Variants in PCDHA6 observed in about 807,000 individuals in gnomAD.
PCDHA6 encodes protocadherin alpha-6.
A neutral mutation model predicts 60.3 loss-of-function variants in PCDHA6; 55 were observed. The observed-to-expected ratio is 0.91, with a 90% CI of 0.73 to 1.14. The LOEUF (loss-of-function observed/expected upper bound fraction) is 1.14. Ranked by LOEUF, PCDHA6 falls within the 50% of genes most tolerant of loss-of-function variation. The pLI, the probability that PCDHA6 is intolerant of heterozygous loss-of-function variation, is 0.00. For synonymous variants in PCDHA6, 652 were observed against 557.9 expected, an observed-to-expected ratio of 1.17 and a Z score of -2.38; for missense variants, 1,327 against 1,256.5, an observed-to-expected ratio of 1.06 and a Z score of -0.85.
intron 1 of PCDHA6, chr5:140,869,512 G>A (rs782635875): frequency 1.9e-6 from 3 of 1,614,072 alleles, no homozygotes; most frequent in Admixed American, 3.3e-5. Flanking sequence ...CTCGCTCAGA[G>A]AACAAAAGCT....
intron 3 of PCDHA6, among the ~76,000 whole-genome samples, chr5:140,989,670 C>T (rs907417768): frequency 6.6e-6 from 1 of 152,104 alleles, no homozygotes; most frequent in African/African-American, 2.4e-5. Flanking sequence ...GAAACTCTGC[C>T]CAGATTTCAA....
chr5:141,009,563 C>T (rs1588242901), intron 3 of PCDHA6, 64 bp from the exon 4 acceptor site: 2 of 1,571,920 alleles, frequency 1.3e-6, no homozygotes, highest in Non-Finnish European at 1.7e-6. Flanking sequence ...TGTACTCTAC[C>T]AGCAGTGTGG....
At chr5:141,006,704 A>G (rs2098283751) in intron 3 of PCDHA6, among the ~76,000 whole-genome samples, 1 of 152,128 alleles carries the variant, frequency 6.6e-6, no homozygotes, top group Non-Finnish European at 1.5e-5. Context: ...GAGTCAAGAT[A>G]TATTTAGGAG....
intron 1 of PCDHA6, among the ~76,000 whole-genome samples, chr5:140,930,805 A>T (rs2087129378): frequency 6.6e-6 from 1 of 152,218 alleles, no homozygotes; most frequent in Non-Finnish European, 1.5e-5. Flanking sequence ...CCAGCATATA[A>T]GATATGCTTA....
At chr5:140,848,565 T>C (rs2150412911) in intron 1 of PCDHA6, 2 of 1,595,404 alleles carry the variant, frequency 1.3e-6, no homozygotes, top group African/African-American at 1.3e-5. Flanking sequence ...CCTCGCAATG[T>C]GGGTGGTGGG....
At chr5:140,983,408 A>G (rs1554245369) in intron 3 of PCDHA6, among the ~76,000 whole-genome samples, 1 of 152,208 alleles carries the variant, frequency 6.6e-6, no homozygotes, top group Non-Finnish European at 1.5e-5. Flanking sequence ...GGGAAGATTA[A>G]GTGTTGGTAG....
Position 140,901,240 on chromosome 5 carries a change from C to T in PCDHA6, c.2394+70755C>T, listed in dbSNP as rs868923936. 8.9e-4 allele frequency among the ~76,000 whole-genome samples: 135 copies of T among 151,946 alleles called. 1 individual carries two copies. Among genetic ancestry groups the T allele is most frequent in the Middle Eastern group, 6.8e-3 (2 of 294 alleles). The stretch of plus-strand genomic sequence containing the variant: ...TGTGATCCCATATATCCATTTTTTT[C>T]CTTTGGTTCCCTGTGATTGTGGGGT... On this transcript the variant is annotated intron_variant, in intron 1 of 3. Transcript: ENST00000529310.
intron 1 of PCDHA6, among the ~76,000 whole-genome samples, chr5:140,935,973 A>C (rs956262031): frequency 1.3e-5 from 2 of 150,786 alleles, no homozygotes; most frequent in Admixed American, 1.3e-4. Flanking sequence ...GCTCACTGCA[A>C]TCTCTGCCTC....
chr5:140,968,935 C>T, intron 1 of PCDHA6: 1 of 1,614,172 alleles, frequency 6.2e-7, no homozygotes, highest in Non-Finnish European at 8.5e-7. Context: ...TTTTGACAAT[C>T]ATCATTTTGA....
intron 3 of PCDHA6, 64 bp downstream of exon 3, chr5:140,982,627 T>A: frequency 6.3e-7 from 1 of 1,581,770 alleles, no homozygotes; most frequent in Non-Finnish European, 8.6e-7. Flanking sequence ...GACCTACTTT[T>A]GTAAGATCAG....
chr5:141,009,452 TAAAC>T (rs1226554195), intron 3 of PCDHA6, among the ~76,000 whole-genome samples, 171 bp from the exon 4 acceptor site: 1 of 152,120 alleles, frequency 6.6e-6, no homozygotes, highest in Non-Finnish European at 1.5e-5. Flanking sequence ...TCAAAAAAAT[TAAAC>T]AAATAAATAA....
At chr5:140,962,348 C>T (rs2095675606) in intron 1 of PCDHA6, among the ~76,000 whole-genome samples, 1 of 152,130 alleles carries the variant, frequency 6.6e-6, no homozygotes, top group South Asian at 2.1e-4. Flanking sequence ...AGTAAAACTC[C>T]CCCCAATACT....
intron 1 of PCDHA6, chr5:140,863,957 G>A (rs2048253350): frequency 6.4e-6 from 1 of 157,074 alleles, no homozygotes; most frequent in Non-Finnish European, 1.4e-5. Flanking sequence ...GCCTAGATTA[G>A]GCCACTGCAC....
At chr5:140,990,662 T>C (rs1554251660) in intron 3 of PCDHA6, among the ~76,000 whole-genome samples, 1 of 152,182 alleles carries the variant, frequency 6.6e-6, no homozygotes, top group African/African-American at 2.4e-5. Context: ...ATGATTTACA[T>C]TAGATGCACA....
At chr5:140,966,983 G>T (rs782294035) in intron 1 of PCDHA6, 1 of 1,603,778 alleles carries the variant, frequency 6.2e-7, no homozygotes, top group Non-Finnish European at 8.5e-7. Flanking sequence ...GCGGCGCTTG[G>T]GGCCGGGTTG....
At chr5:140,845,294 A>T (rs2150378014) in intron 1 of PCDHA6, among the ~76,000 whole-genome samples, 1 of 149,472 alleles carries the variant, frequency 6.7e-6, no homozygotes, top group African/African-American at 2.4e-5. Flanking sequence ...TATCCTGTCT[A>T]TGTCTACCTG....
chr5:140,888,941 TAA>T (rs1361014830), intron 1 of PCDHA6, among the ~76,000 whole-genome samples: 2 of 152,086 alleles, frequency 1.3e-5, no homozygotes, highest in Non-Finnish European at 1.5e-5. Flanking sequence ...GAGGGAGGTA[TAA>T]ATTTTTTCTT....
At chr5:140,848,429 G>T (rs1781516011) in intron 1 of PCDHA6, 1 of 1,456,608 alleles carries the variant, frequency 6.9e-7, no homozygotes, top group Admixed American at 1.9e-5. Flanking sequence ...TGGGACTGAC[G>T]AAATCAGATG....
chr5:140,838,077 AGTGTGTGTGT>A (rs57130401), intron 1 of PCDHA6, among the ~76,000 whole-genome samples: 3,081 of 80,626 alleles, frequency 0.038, 55 homozygotes, highest in African/African-American at 0.095. Context: ...ATATATATAT[AGTGTGTGTGT>A]GTGTGTGTGT....
Sources: gnomAD v4.1 joint callset for allele counts (sites outside exome capture counted in the v4.1 genomes callset) on GRCh38, gnomAD v4.1.1 for gene constraint, MANE v1.5 for transcripts, NCBI Gene and HGNC (gene_info 2026-07-23, HGNC 2026-07-21) for gene names.